Variants in P3H2 observed in about 807,000 individuals in gnomAD.
The protein encoded by P3H2 is prolyl 3-hydroxylase 2.
A neutral mutation model predicts 87.0 loss-of-function variants in P3H2; 80 were observed. That is an observed-to-expected ratio of 0.92 (90% CI 0.77 to 1.11). The LOEUF (loss-of-function observed/expected upper bound fraction) is 1.11, where lower values mean the gene tolerates loss of function less well. Among genes scored for constraint, P3H2 ranks in the 50% least tolerant of loss-of-function variants. The pLI is 0.00. For synonymous variants in P3H2, 367 were observed against 359.3 expected, an observed-to-expected ratio of 1.02 and a Z score of -0.24; for missense variants, 1,001 against 923.9, an observed-to-expected ratio of 1.08 and a Z score of -1.08.
chr3:190,082,976 A>G (rs1330720223), intron 1 of P3H2, among the ~76,000 whole-genome samples: 1 of 152,218 alleles, frequency 6.6e-6, no homozygotes, highest in African/African-American at 2.4e-5. Flanking sequence ...TAATACTCCA[A>G]GATTAGGTGA....
At position 189,958,017 on chromosome 3, in the gene P3H2, CA is replaced by C. The variant is rs1560334761; in HGVS notation, c.2035-14del. 12 of 1,585,448 alleles carry C rather than the reference CA, an allele frequency of 7.6e-6. No individual in the cohort carries two copies. The highest frequency in any genetic ancestry group is 1.0e-5 in the Non-Finnish European group (12 of 1,153,830). ...CCTGTATTCGCTCCTGCAAAAAAGACAATTTACACATTTCTGTTACAAGCAT... is the reference window on the plus strand; with the variant it reads ...CCTGTATTCGCTCCTGCAAAAAAGACATTTACACATTTCTGTTACAAGCAT... On this transcript the variant is annotated splice_polypyrimidine_tract_variant and intron_variant, in intron 14 of 14. Transcript: ENST00000319332.
chr3:189,976,413 GA>G (rs1723350729), intron 8 of P3H2, among the ~76,000 whole-genome samples: 1 of 152,232 alleles, frequency 6.6e-6, no homozygotes, highest in Non-Finnish European at 1.5e-5. Flanking sequence ...TGGCAGGCAA[GA>G]GAGCTTGTGC....
At chr3:190,111,561 G>A (rs550167728) in intron 1 of P3H2, among the ~76,000 whole-genome samples, 3 of 152,170 alleles carry the variant, frequency 2.0e-5, no homozygotes, top group East Asian at 3.9e-4. Context: ...AGTCAAAGGG[G>A]CTCTATTTTA....
Position 189,974,658 on chromosome 3 carries a change from G to A in P3H2, c.1352C>T (p.Thr451Ile), listed in dbSNP as rs1185757445. Residue 451 changes from threonine to isoleucine, a missense_variant, in exon 9 of 15, where the codon ACA (threonine) becomes ATA (isoleucine). Coordinates refer to ENST00000319332, the MANE Select transcript of P3H2 (RefSeq NM_018192.4). ...CAGCTGCTCCGAGTTGTAGACGAAT[G>A]TGATGTTCTCATAGAGTAGAGGACC... ...EGGPLLYENI[T>I]FVYNSEQLNG... is the part of the protein sequence containing the mutation. 6.2e-7 allele frequency: 1 copy of A among 1,614,216 alleles called. No homozygotes were observed.
rs10645374 is a variant in P3H2, at chr3:189,995,556, G to GGTTTTT, written c.481-115_481-114insAAAAAC. The GGTTTTT allele has an allele frequency of 5.4e-4, 456 of 839,226 alleles. 5 individuals carry two copies. The highest frequency in any genetic ancestry group is 1.5e-3 in the African/African-American group (86 of 56,174). The allele number at this position is 839,226 out of a possible 1,614,324, so 52.0% of individuals were successfully genotyped here. A position where few individuals can be genotyped will look rare whatever the true frequency, so the allele number is the denominator to read the frequency against. The stretch of plus-strand genomic sequence containing the variant: ...TTTAAGAATGAAACTAGGAGCCTTG[G>GGTTTTT]TTTTTTTTTTTTTTATCAGACAGGC... On this transcript the variant is annotated intron_variant, in intron 1 of 14. Transcript: ENST00000319332.
At chr3:190,077,430 T>C (rs961319738) in intron 1 of P3H2, among the ~76,000 whole-genome samples, 1 of 152,164 alleles carries the variant, frequency 6.6e-6, no homozygotes, top group African/African-American at 2.4e-5. Context: ...CCTCCCTTTC[T>C]CTCCTTCTTT....
intron 7 of P3H2, among the ~76,000 whole-genome samples, chr3:189,984,246 A>G (rs1723621839): frequency 6.6e-6 from 1 of 152,150 alleles, no homozygotes; most frequent in African/African-American, 2.4e-5. Context: ...TAATAAATCA[A>G]AACCAGTATC....
At chr3:190,063,179 T>A (rs546671535) in intron 1 of P3H2, among the ~76,000 whole-genome samples, 11 of 152,268 alleles carry the variant, frequency 7.2e-5, no homozygotes, top group Admixed American at 6.5e-4. Flanking sequence ...TGCCATGGGG[T>A]GTACACAACT....
intron 1 of P3H2, among the ~76,000 whole-genome samples, chr3:190,086,726 C>T (rs954142710): frequency 3.9e-5 from 6 of 152,134 alleles, no homozygotes; most frequent in African/African-American, 9.7e-5. Flanking sequence ...CCAGGGGACT[C>T]CATGAAGATC....
intron 1 of P3H2, among the ~76,000 whole-genome samples, chr3:190,054,614 T>C (rs1726091881): frequency 6.6e-6 from 1 of 152,162 alleles, no homozygotes; most frequent in African/African-American, 2.4e-5. Flanking sequence ...GGCAGCTCAT[T>C]TATCTATGGA....
intron 1 of P3H2, among the ~76,000 whole-genome samples, chr3:190,040,227 G>C (rs1560374571): frequency 6.6e-6 from 1 of 152,138 alleles, no homozygotes; most frequent in Non-Finnish European, 1.5e-5. Context: ...TAGATTCCAG[G>C]GGAGATTTGA....
At position 190,120,293 on chromosome 3, in the gene P3H2, G is replaced by A. The variant is rs575702697; in HGVS notation, c.439C>T (p.Arg147Cys). 2 of 1,609,722 alleles carry A rather than the reference G, an allele frequency of 1.2e-6. No homozygotes were observed. Among genetic ancestry groups the A allele is most frequent in the South Asian group, 1.1e-5 (1 of 90,226 alleles). Residue 147 changes from arginine to cysteine, a missense_variant, in exon 1 of 15, where the codon CGC becomes TGC. Coordinates refer to ENST00000319332, the MANE Select transcript of P3H2 (RefSeq NM_018192.4). ...VSEDVRSDFQ[R>C]RVPYNYLQRA... ...TGCAGGTAGTTGTAGGGCACTCTGCGCTGGAAGTCGCTGCGCACATCCTCG... is the reference window on the plus strand; with the variant it reads ...TGCAGGTAGTTGTAGGGCACTCTGCACTGGAAGTCGCTGCGCACATCCTCG...
chr3:189,959,960 G>C (rs904599738), intron 14 of P3H2, among the ~76,000 whole-genome samples: 3 of 150,162 alleles, frequency 2.0e-5, no homozygotes, highest in East Asian at 2.0e-4. Context: ...AATACAATTC[G>C]CATTTCCCAA....
intron 1 of P3H2, among the ~76,000 whole-genome samples, chr3:190,074,759 G>T (rs185832412): frequency 6.6e-6 from 1 of 152,186 alleles, no homozygotes; most frequent in Admixed American, 6.5e-5. Context: ...TCAACAATTT[G>T]CTTTATGTCT....
Position 189,957,984 on chromosome 3 carries a change from T to C in P3H2, c.2055A>G (p.Glu685=). ...GTTCTTGATCCAGAATTGCAATCAC[T>C]TCATCAGCCTGTATTCGCTCCTGCA... The part of the protein sequence containing the change: ...YRELERIQAD[E]VIAILDQEQQ... Residue 685 remains glutamate, a synonymous_variant, in exon 15 of 15, where the codon GAA becomes GAG. Coordinates refer to ENST00000319332, the MANE Select transcript of P3H2 (RefSeq NM_018192.4). 1 of 1,613,572 alleles carries C rather than the reference T, an allele frequency of 6.2e-7. No homozygotes were observed. Among genetic ancestry groups the C allele is most frequent in the African/African-American group, 1.3e-5 (1 of 75,052 alleles).
At chr3:190,098,072 A>T (rs557916823) in intron 1 of P3H2, among the ~76,000 whole-genome samples, 1 of 152,356 alleles carries the variant, frequency 6.6e-6, no homozygotes, top group Middle Eastern at 3.4e-3. Flanking sequence ...GGTAAAAGTA[A>T]TTTTTTAAAA....
chr3:190,041,642 T>C lies in P3H2; in HGVS notation c.481-46200A>G, dbSNP rs553572368. ...GTCAATAGCACAGCTGGTCTAGTCA[T>C]TGTTGCCCCTCTATTAACATGTTAA... On this transcript the variant is annotated intron_variant, in intron 1 of 14. Transcript: ENST00000319332. Among the ~76,000 whole-genome samples the C allele has an allele frequency of 5.3e-5, 8 of 152,318 alleles. No homozygotes were observed. In the South Asian group the frequency reaches 1.7e-3, roughly 32 times the overall value.
chr3:189,981,472 G>C (rs1475302754), intron 8 of P3H2, among the ~76,000 whole-genome samples: 1 of 152,100 alleles, frequency 6.6e-6, no homozygotes, highest in African/African-American at 2.4e-5. Context: ...ATGAATATGA[G>C]AGTACGGTAG....
intron 1 of P3H2, among the ~76,000 whole-genome samples, chr3:190,046,442 T>C (rs1477064891): frequency 2.0e-5 from 3 of 152,194 alleles, no homozygotes; most frequent in Non-Finnish European, 4.4e-5. Flanking sequence ...TCAGGTATAA[T>C]GCTGCCAAAT....
Sources: allele counts gnomAD v4.1 joint callset (sites outside exome capture counted in the v4.1 genomes callset), GRCh38; gene constraint gnomAD v4.1.1; transcripts MANE v1.5; gene names NCBI Gene and HGNC (gene_info 2026-07-23, HGNC 2026-07-21).